HS6ST2: variants seen among roughly 807,000 people sequenced by gnomAD.
HS6ST2 encodes the protein heparan sulfate 6-O-sulfotransferase 2, also known as heparan-sulfate 6-O-sulfotransferase 2.
A neutral mutation model predicts 33.0 loss-of-function variants in HS6ST2; 17 were observed. The ratio of observed to expected loss-of-function variants is 0.52; its 90% CI spans 0.35 to 0.77. The LOEUF (loss-of-function observed/expected upper bound fraction) is 0.77, where lower values mean the gene tolerates loss of function less well. Among genes scored for constraint, HS6ST2 ranks in the 30% least tolerant of loss-of-function variants. HS6ST2 has a pLI of 0.01. For synonymous variants in HS6ST2, 248 were observed against 237.1 expected (o/e 1.05, Z -0.42); for missense variants, 519 against 551.7 (o/e 0.94, Z 0.59).
Position 132,627,590 on chromosome X carries a change from T to A in HS6ST2, c.*633A>T, listed in dbSNP as rs182627075. The A allele has an allele frequency of 8.9e-6, 1 of 112,598 alleles. No homozygotes were observed. Among genetic ancestry groups the A allele is most frequent in the Admixed American group, 9.5e-5 (1 of 10,582 alleles). The allele number at this position is 112,598 out of a possible 1,213,427, so 9.3% of individuals were successfully genotyped here. ...TAGAAAAAGTTTAAAATTTTAAACA[T>A]CTCTTAAATATCAAGATATGAGTCC... On this transcript the variant is annotated 3_prime_UTR_variant, in exon 5 of 5. Coordinates refer to ENST00000370833, the MANE Select transcript of HS6ST2 (RefSeq NM_001394073.1).
chrX:132,746,646 C>A (rs1401654436), intron 2 of HS6ST2, among the ~76,000 whole-genome samples: 1 of 112,186 alleles, frequency 8.9e-6, no homozygotes, highest in Non-Finnish European at 1.9e-5. Context: ...ATGCCTCCCT[C>A]CAATAATGTT....
At position 132,628,052 on chromosome X, in the gene HS6ST2, C is replaced by G; in HGVS notation, c.*171G>C. 2.6e-6 allele frequency: 1 copy of G among 385,170 alleles called. No homozygotes were observed. The highest frequency in any genetic ancestry group is 4.5e-6 in the Non-Finnish European group (1 of 224,306). The allele number at this position is 385,170 out of a possible 1,213,427, so 31.7% of individuals were successfully genotyped here. On this transcript the variant is annotated 3_prime_UTR_variant, in exon 5 of 5. Transcript: ENST00000370833. ...TCCATATTGAGATTTGTTTTACCTA[C>G]ACACAGTATAACACTGAATTGAAAG...
At chrX:132,673,961 G>A (rs192262684) in intron 3 of HS6ST2, among the ~76,000 whole-genome samples, 1 of 111,687 alleles carries the variant, frequency 9.0e-6, no homozygotes, top group African/African-American at 3.3e-5. Flanking sequence ...TAATACTTTC[G>A]CATTTCATTT....
intron 2 of HS6ST2, among the ~76,000 whole-genome samples, chrX:132,898,280 A>G (rs1251170768): frequency 1.8e-5 from 2 of 108,469 alleles, no homozygotes; most frequent in Non-Finnish European, 3.8e-5. Flanking sequence ...TCTTCCTAAT[A>G]GTTTAGAAAA....
intron 2 of HS6ST2, among the ~76,000 whole-genome samples, chrX:132,956,275 C>G (rs2067070187): frequency 9.4e-6 from 1 of 106,452 alleles, no homozygotes; most frequent in Non-Finnish European, 1.9e-5. Context: ...AAACAGCGAG[C>G]AAACAGGAGC....
intron 2 of HS6ST2, among the ~76,000 whole-genome samples, chrX:132,805,751 T>A (rs1228886733): frequency 9.1e-6 from 1 of 110,334 alleles, no homozygotes. Context: ...GCATTTTGTT[T>A]GTGTGCCCGG....
chrX:132,635,951 G>C (rs988024605), intron 4 of HS6ST2, among the ~76,000 whole-genome samples: 1 of 110,793 alleles, frequency 9.0e-6, no homozygotes. Context: ...TCAACTCAAA[G>C]ACTGTCTCCT....
At chrX:132,718,607 C>T (rs1228703466) in intron 2 of HS6ST2, among the ~76,000 whole-genome samples, 2 of 111,116 alleles carry the variant, frequency 1.8e-5, no homozygotes, top group Admixed American at 1.9e-4. Flanking sequence ...AAGGCTGCAG[C>T]ACACTCTGAA....
intron 2 of HS6ST2, among the ~76,000 whole-genome samples, chrX:132,886,828 G>A (rs2066257614): frequency 9.0e-6 from 1 of 111,486 alleles, no homozygotes; most frequent in Non-Finnish European, 1.9e-5. Flanking sequence ...TGTAGGTAGT[G>A]GAGTAACATT....
chrX:132,650,673 C>T (rs1332423606), intron 4 of HS6ST2, among the ~76,000 whole-genome samples: 1 of 109,518 alleles, frequency 9.1e-6, no homozygotes, highest in Non-Finnish European at 1.9e-5. Context: ...ATGGCTTTCA[C>T]ACCCCCTTTT....
rs13440626 is a variant in HS6ST2 at position 132,848,712 on chromosome X, G to C, written c.947+108096C>G. 1.4e-3 allele frequency among the ~76,000 whole-genome samples: 154 copies of C among 111,997 alleles called. 1 individual carries two copies. The highest frequency in any genetic ancestry group is 4.7e-3 in the African/African-American group (146 of 30,863). ...TCCAAGAGAATCCTTACTGAAACTT[G>C]TTACTGAAAGCCAACAGCATGTGGC... On this transcript the variant is annotated intron_variant, in intron 2 of 4. Transcript: ENST00000370833.
intron 2 of HS6ST2, among the ~76,000 whole-genome samples, chrX:132,845,486 A>T (rs1035018429): frequency 3.6e-5 from 4 of 111,507 alleles, no homozygotes; most frequent in Non-Finnish European, 7.5e-5. Context: ...AAGCTTTGGG[A>T]AAGGTCTCCA....
At chrX:132,810,482 T>C (rs779102614) in intron 2 of HS6ST2, among the ~76,000 whole-genome samples, 1 of 110,147 alleles carries the variant, frequency 9.1e-6, no homozygotes, top group Non-Finnish European at 1.9e-5. Flanking sequence ...AAAAATCACT[T>C]TGAGAAGCTT....
chrX:132,633,070 T>A (rs2063529179), intron 4 of HS6ST2, among the ~76,000 whole-genome samples: 1 of 46,673 alleles, frequency 2.1e-5, no homozygotes, highest in African/African-American at 1.2e-4. Flanking sequence ...AGTGTGAGAC[T>A]CCATCTCAAA....
intron 2 of HS6ST2, among the ~76,000 whole-genome samples, chrX:132,888,155 TAAGA>T (rs2066271220): frequency 8.9e-6 from 1 of 111,924 alleles, no homozygotes; most frequent in Non-Finnish European, 1.9e-5. Flanking sequence ...AGATTTTTTT[TAAGA>T]AAGAGTTTGT....
intron 3 of HS6ST2, among the ~76,000 whole-genome samples, chrX:132,703,364 A>G (rs1162912421): frequency 8.8e-6 from 1 of 113,180 alleles, no homozygotes; most frequent in East Asian, 2.8e-4. Flanking sequence ...GGAGAATGGC[A>G]TGCAACCATG....
chrX:132,807,465 G>C (rs2065295430), intron 2 of HS6ST2, among the ~76,000 whole-genome samples: 1 of 110,811 alleles, frequency 9.0e-6, no homozygotes, highest in Non-Finnish European at 1.9e-5. Context: ...GAGTAGAGCT[G>C]AAGGGAGATT....
At chrX:132,851,775 T>C (rs997659614) in intron 2 of HS6ST2, among the ~76,000 whole-genome samples, 1 of 111,997 alleles carries the variant, frequency 8.9e-6, no homozygotes, top group Non-Finnish European at 1.9e-5. Flanking sequence ...CCTAAATCTT[T>C]TTCCTTAGTA....
chrX:132,844,233 C>G (rs766921146), intron 2 of HS6ST2, among the ~76,000 whole-genome samples: 1 of 110,905 alleles, frequency 9.0e-6, no homozygotes, highest in South Asian at 3.9e-4. Flanking sequence ...AATCTCTTCT[C>G]AAGAAAAATG....
Sources: allele counts gnomAD v4.1 joint callset (sites outside exome capture counted in the v4.1 genomes callset), GRCh38; gene constraint gnomAD v4.1.1; transcripts MANE v1.5; gene names NCBI Gene and HGNC (gene_info 2026-07-23, HGNC 2026-07-21).